Variants in BNC2 observed in about 807,000 individuals in gnomAD.
BNC2 encodes the protein basonuclin zinc finger protein 2, also known as zinc finger protein basonuclin-2.
A neutral mutation model predicts 76.3 loss-of-function variants in BNC2; 20 were observed. The ratio of observed to expected loss-of-function variants is 0.26; its 90% CI spans 0.18 to 0.38. BNC2 has a LOEUF of 0.38. BNC2 is among the 10% of genes least tolerant of loss of function. BNC2 has a pLI of 1.00. For missense variants in BNC2, 1,382 were observed against 1,399.8 expected (o/e 0.99, Z 0.20); for synonymous variants, 582 against 514.8 (o/e 1.13, Z -1.77).
At chr9:16,741,390 T>C (rs1587369930) in intron 1 of BNC2, among the ~76,000 whole-genome samples, 2 of 151,412 alleles carry the variant, frequency 1.3e-5, no homozygotes, top group Admixed American at 6.6e-5. Context: ...GAGGTGGAGG[T>C]TGCGGTGAGC....
chr9:16,797,376 T>C (rs1470646842), intron 1 of BNC2, among the ~76,000 whole-genome samples: 1 of 152,190 alleles, frequency 6.6e-6, no homozygotes, highest in South Asian at 2.1e-4. Flanking sequence ...TACTATAGAT[T>C]TGACATCCCT....
intron 5 of BNC2, among the ~76,000 whole-genome samples, chr9:16,533,551 C>A (rs1238270935): frequency 2.6e-5 from 4 of 152,068 alleles, no homozygotes; most frequent in Non-Finnish European, 5.9e-5. Context: ...AAACATGTGG[C>A]AGTATCTGTT....
At chr9:16,863,617 C>T (rs1819467163) in intron 1 of BNC2, among the ~76,000 whole-genome samples, 1 of 152,140 alleles carries the variant, frequency 6.6e-6, no homozygotes, top group East Asian at 1.9e-4. Context: ...ATCTCTTGAA[C>T]CCAGGAGATG....
In BNC2 at chr9:16,449,819, G is replaced by T. The variant is rs189218345; in HGVS notation, c.670-12295C>A. ...GGTGAATGGGAGGTGAAAAGCAATG[G>T]GAATAAAAGTTAAAGGTGGGGCGGG... On this transcript the variant is annotated intron_variant, in intron 5 of 6. Transcript: ENST00000380672. 5.9e-5 allele frequency among the ~76,000 whole-genome samples: 7 copies of T among 118,752 alleles called. No homozygotes were observed. The East Asian group carries it at 2.1e-3, about 35-fold the overall frequency. 77.9% of individuals were successfully genotyped at this position (118,752 alleles called of 152,430 possible). A position where few individuals can be genotyped will look rare whatever the true frequency, so the allele number is the denominator to read the frequency against.
At chr9:16,637,514 G>A (rs1821362746) in intron 3 of BNC2, among the ~76,000 whole-genome samples, 1 of 152,152 alleles carries the variant, frequency 6.6e-6, no homozygotes, top group Non-Finnish European at 1.5e-5. Flanking sequence ...ACCAGTGTGT[G>A]ATTTAAATCA....
chr9:16,641,758 T>C (rs1006075001), intron 3 of BNC2, among the ~76,000 whole-genome samples: 6 of 152,190 alleles, frequency 3.9e-5, no homozygotes, highest in African/African-American at 7.2e-5. Context: ...TATACAAAGA[T>C]ATGGCCATGT....
rs574336724 is a variant in BNC2, at chr9:16,851,048, A to G, written c.3+19598T>C. ...CATCTTCTAGGGTGACTATTTTATA[A>G]ATAATAATACTTATTTGTAACTGCT... On this transcript the variant is annotated intron_variant, in intron 1 of 6. Coordinates refer to ENST00000380672, the MANE Select transcript of BNC2 (RefSeq NM_017637.6). Among the ~76,000 whole-genome samples the G allele has an allele frequency of 3.9e-5, 6 of 152,290 alleles. No homozygotes were observed. In the East Asian group the frequency reaches 1.2e-3, roughly 29 times the overall value.
chr9:16,435,410 G>T, intron 6 of BNC2, 145 bp downstream of exon 6: 1 of 975,650 alleles, frequency 1.0e-6, no homozygotes, highest in East Asian at 2.5e-5. Flanking sequence ...GAGCATGGCA[G>T]CCTAGTTATC....
At chr9:16,849,803 C>G (rs1321751795) in intron 1 of BNC2, among the ~76,000 whole-genome samples, 1 of 151,996 alleles carries the variant, frequency 6.6e-6, no homozygotes, top group Non-Finnish European at 1.5e-5. Flanking sequence ...TTAGTATTAC[C>G]TCAAACCATA....
intron 4 of BNC2, among the ~76,000 whole-genome samples, chr9:16,559,597 G>C (rs1317678752): frequency 1.3e-5 from 2 of 152,182 alleles, no homozygotes; most frequent in Admixed American, 1.3e-4. Flanking sequence ...CATCATGTCG[G>C]AAGTCCCTAA....
In BNC2 at chr9:16,435,581, T is replaced by C. The variant is rs751691776; in HGVS notation, c.2613A>G (p.Ala871=). ...HVCTVAGCNA[A]FPSRRSRDRH... ...TGTCTCGGCTTCGGCGAGAGGGGAATGCAGCATTGCAACCAGCCACTGTGC... is the reference window on the plus strand; with the variant it reads ...TGTCTCGGCTTCGGCGAGAGGGGAACGCAGCATTGCAACCAGCCACTGTGC... Residue 871 remains alanine, a synonymous_variant, in exon 6 of 7, where the codon GCA becomes GCG. Transcript: ENST00000380672. The C allele has an allele frequency of 3.5e-5, 57 of 1,614,074 alleles. No individual in the cohort carries two copies. The highest frequency in any genetic ancestry group is 4.7e-5 in the Non-Finnish European group (56 of 1,180,024).
intron 5 of BNC2, among the ~76,000 whole-genome samples, chr9:16,550,940 C>T (rs943740): frequency 0.4 from 60,587 of 151,818 alleles, 12,481 homozygotes; most frequent in African/African-American, 0.46. Context: ...TAGAAAGACG[C>T]AGCACTGTAT....
intron 1 of BNC2, among the ~76,000 whole-genome samples, chr9:16,800,834 G>A (rs1006500492): frequency 6.6e-6 from 1 of 151,930 alleles, no homozygotes; most frequent in Non-Finnish European, 1.5e-5. Context: ...TTCATCATGT[G>A]CTTTAAATAT....
At chr9:16,714,423 C>A (rs1228053078) in intron 3 of BNC2, among the ~76,000 whole-genome samples, 1 of 152,190 alleles carries the variant, frequency 6.6e-6, no homozygotes, top group African/African-American at 2.4e-5. Context: ...AGCGTTAAGT[C>A]ACAGCTGTGT....
intron 1 of BNC2, among the ~76,000 whole-genome samples, chr9:16,768,569 G>C (rs1825755129): frequency 6.6e-6 from 1 of 152,170 alleles, no homozygotes; most frequent in South Asian, 2.1e-4. Context: ...AAAATGCTAG[G>C]CAAAGAGATG....
chr9:16,565,182 T>A (rs575621630), intron 4 of BNC2, among the ~76,000 whole-genome samples: 33 of 152,306 alleles, frequency 2.2e-4, no homozygotes, highest in Non-Finnish European at 4.1e-4. Context: ...TACTGCTTAG[T>A]CTTTCCTCTG....
chr9:16,524,692 G>A (rs1817738920), intron 5 of BNC2, among the ~76,000 whole-genome samples: 2 of 152,064 alleles, frequency 1.3e-5, no homozygotes, highest in Admixed American at 6.6e-5. Flanking sequence ...ATAGATGAAT[G>A]AAAAATCTTA....
Position 16,626,706 on chromosome 9 carries a change from A to G in BNC2, c.331-43621T>C, listed in dbSNP as rs149297565. On this transcript the variant is annotated intron_variant, in intron 3 of 6. Transcript: ENST00000380672. ...ACACACACACACACACACACCCTGT[A>G]TTCTCTTTTCTTTCTCCTTTTTTTC... Among the ~76,000 whole-genome samples the G allele has an allele frequency of 6.7e-4, 102 of 152,052 alleles. 1 individual carries two copies. In the East Asian group the frequency reaches 0.016, roughly 24 times the overall value.
intron 1 of BNC2, among the ~76,000 whole-genome samples, chr9:16,863,556 G>T (rs1032135848): frequency 6.6e-6 from 1 of 152,076 alleles, no homozygotes; most frequent in Non-Finnish European, 1.5e-5. Context: ...TTAGCCAAGC[G>T]CAGTGGCGCA....
Sources: allele counts gnomAD v4.1 joint callset (sites outside exome capture counted in the v4.1 genomes callset), GRCh38; gene constraint gnomAD v4.1.1; transcripts MANE v1.5; gene names NCBI Gene and HGNC (gene_info 2026-07-23, HGNC 2026-07-21).